Variants in CFAP70 observed in about 807,000 individuals in gnomAD.
CFAP70 encodes the protein cilia and flagella associated protein 70, also known as cilia- and flagella-associated protein 70.
Under a neutral mutation model 137.6 loss-of-function variants are expected in CFAP70, and 81 were observed. That is an observed-to-expected ratio of 0.59 (90% CI 0.49 to 0.71). CFAP70 has a LOEUF of 0.71. Among genes scored for constraint, CFAP70 ranks in the 30% least tolerant of loss-of-function variants. The pLI is 0.00. For synonymous variants in CFAP70, 382 were observed against 423.6 expected (o/e 0.90, Z 1.20); for missense variants, 976 against 1,226.7 (o/e 0.80, Z 3.05).
chr10:73,323,049 T>C, exon 9 of CFAP70: 1 of 1,613,770 alleles, frequency 6.2e-7, no homozygotes, highest in South Asian at 1.1e-5. Flanking sequence ...AATGGGACCA[T>C]ATTAACATAA....
intron 26 of CFAP70, among the ~76,000 whole-genome samples, 172 bp downstream of exon 27, chr10:73,256,197 T>C (rs2044473593): frequency 2.6e-5 from 4 of 152,176 alleles, no homozygotes; most frequent in Admixed American, 2.6e-4. Flanking sequence ...CCTATGGTAA[T>C]ATGTAGGTTG....
chr10:73,345,253 G>A lies in CFAP70; in HGVS notation c.350-139C>T. On this transcript the variant is annotated intron_variant, in intron 4 of 26. Coordinates refer to ENST00000310715, the Ensembl canonical transcript of CFAP70. ...ACTTCAAGACTGCACTGCTGTAAAA[G>A]AATAAAATTATGCAGCATTTTGAAA... 7.5e-6 allele frequency: 12 copies of A among 1,604,364 alleles called. No homozygotes were observed. Among genetic ancestry groups the A allele is most frequent in the Non-Finnish European group, 9.4e-6 (11 of 1,174,932 alleles).
At position 73,265,182 on chromosome 10, in the gene CFAP70, G is replaced by A. The variant is rs375746021; in HGVS notation, c.3027+4432C>T. ...CTACTAAAAATACAAAAAATTAGCC[G>A]GGCGTGGTGGCCGGCGCCTGTAGTT... On this transcript the variant is annotated intron_variant, in intron 25 of 26. Transcript: ENST00000310715. 2.6e-5 allele frequency among the ~76,000 whole-genome samples: 4 copies of A among 152,156 alleles called. No homozygotes were observed. The East Asian group carries it at 5.8e-4, about 22-fold the overall frequency.
intron 12 of CFAP70, among the ~76,000 whole-genome samples, chr10:73,305,592 A>C (rs1036070821): frequency 6.6e-6 from 1 of 152,202 alleles, no homozygotes; most frequent in African/African-American, 2.4e-5. Flanking sequence ...ATTGGCAGAA[A>C]AGATTTTTTG....
In CFAP70 at chr10:73,335,346, T is replaced by C. The variant is rs1298936250; in HGVS notation, c.677+84A>G. Reference sequence around the variant, plus strand: ...CAATCTAAAATCACCTTAACTCAAATATAAATAAAATTAACAAAAGTAACA... The same window carrying C: ...CAATCTAAAATCACCTTAACTCAAACATAAATAAAATTAACAAAAGTAACA... On this transcript the variant is annotated intron_variant, in intron 7 of 26. Coordinates refer to ENST00000310715, the Ensembl canonical transcript of CFAP70. 8 of 832,676 alleles carry C rather than the reference T, an allele frequency of 9.6e-6. No individual in the cohort carries two copies. In the Admixed American group the frequency reaches 2.0e-4, roughly 20 times the overall value. 51.6% of individuals were successfully genotyped at this position (832,676 alleles called of 1,614,324 possible). A position where few individuals can be genotyped will look rare whatever the true frequency, so the allele number is the denominator to read the frequency against.
At chr10:73,323,205 A>G in intron 8 of CFAP70, 108 bp from the exon 10 acceptor site, 5 of 1,049,990 alleles carry the variant, frequency 4.8e-6, no homozygotes, top group Non-Finnish European at 6.5e-6. Context: ...TAACTCAACT[A>G]CTTAGCCAGT....
At chr10:73,339,989 T>C (rs571575783) in intron 6 of CFAP70, among the ~76,000 whole-genome samples, 7 of 152,352 alleles carry the variant, frequency 4.6e-5, no homozygotes, top group African/African-American at 1.4e-4. Flanking sequence ...GAGTTCTTGT[T>C]TCGCATCCAG....
At chr10:73,267,841 T>C (rs552739745) in intron 25 of CFAP70, among the ~76,000 whole-genome samples, 49 of 152,366 alleles carry the variant, frequency 3.2e-4, no homozygotes, top group Admixed American at 1.2e-3. Context: ...TTTGTGTTTA[T>C]AGGTTCCTAT....
upstream of CFAP70, among the ~76,000 whole-genome samples, chr10:73,362,493 C>G (rs1406404649): frequency 6.6e-6 from 1 of 151,824 alleles, no homozygotes; most frequent in Non-Finnish European, 1.5e-5. Flanking sequence ...AGATCTTTTG[C>G]CTACTTGGTT....
At chr10:73,351,067 GTGTGTATATATATATA>G (rs1291521132) in intron 3 of CFAP70, among the ~76,000 whole-genome samples, 24 of 64,062 alleles carry the variant, frequency 3.7e-4, no homozygotes, top group African/African-American at 1.8e-3. Context: ...GTGTGTGTGT[GTGTGTATATATATATA>G]TATATATATA....
intron 16 of CFAP70, among the ~76,000 whole-genome samples, chr10:73,292,481 T>C (rs1213986472): frequency 6.6e-6 from 1 of 152,206 alleles, no homozygotes. Flanking sequence ...GTTCATGGAT[T>C]GGATGACTTA....
At chr10:73,334,301 G>T (rs751971907) in intron 7 of CFAP70, among the ~76,000 whole-genome samples, 24 of 152,170 alleles carry the variant, frequency 1.6e-4, no homozygotes, top group Non-Finnish European at 2.8e-4. Context: ...TGCATCTAGA[G>T]GTTGGCTAAT....
Position 73,280,285 on chromosome 10 carries a change from A to G in CFAP70, c.2240-1948T>C, listed in dbSNP as rs144495648. Reference sequence around the variant, plus strand: ...GGAGTTTGAGACCAGCCTGGGCAACATAACAAAACCTTGTCTCTTAAAAAA... The same window carrying G: ...GGAGTTTGAGACCAGCCTGGGCAACGTAACAAAACCTTGTCTCTTAAAAAA... On this transcript the variant is annotated intron_variant, in intron 19 of 26. Coordinates refer to ENST00000310715, the Ensembl canonical transcript of CFAP70. Among the ~76,000 whole-genome samples, 72 of 152,318 alleles carry G rather than the reference A, an allele frequency of 4.7e-4. No homozygotes were observed. In the East Asian group the frequency reaches 0.014, roughly 29 times the overall value.
At chr10:73,289,349 G>A (rs575872886) in intron 19 of CFAP70, among the ~76,000 whole-genome samples, 23 of 151,852 alleles carry the variant, frequency 1.5e-4, no homozygotes, top group Admixed American at 5.9e-4. Context: ...GCAGTGGTGC[G>A]GTTTTGGCTC....
At chr10:73,269,230 C>T (rs904743992) in intron 25 of CFAP70, among the ~76,000 whole-genome samples, 1 of 152,058 alleles carries the variant, frequency 6.6e-6, no homozygotes, top group African/African-American at 2.4e-5. Context: ...ATCATGAACT[C>T]CCACATTACC....
intron 1 of CFAP70, among the ~76,000 whole-genome samples, chr10:73,357,734 C>T (rs1168188977): frequency 1.3e-5 from 2 of 152,294 alleles, no homozygotes; most frequent in Non-Finnish European, 1.5e-5. Context: ...TGCATTTAGT[C>T]GCTTTTGAAC....
intron 12 of CFAP70, among the ~76,000 whole-genome samples, chr10:73,309,904 C>A (rs181249986): frequency 1.8e-4 from 28 of 152,182 alleles, no homozygotes; most frequent in African/African-American, 5.5e-4. Context: ...CAATCCCCCC[C>A]ACCTTGGCCT....
At chr10:73,268,790 T>C (rs531178720) in intron 25 of CFAP70, among the ~76,000 whole-genome samples, 1 of 151,856 alleles carries the variant, frequency 6.6e-6, no homozygotes, top group East Asian at 1.9e-4. Context: ...GCCTCCCAGG[T>C]TCAAGTGATC....
intron 15 of CFAP70, chr10:73,296,085 T>C (rs1471725265): frequency 6.6e-6 from 1 of 152,236 alleles, no homozygotes; most frequent in Non-Finnish European, 1.5e-5. Context: ...CTCCTTATTA[T>C]GCAATAATCA....
Sources: allele counts gnomAD v4.1 joint callset (sites outside exome capture counted in the v4.1 genomes callset), GRCh38; gene constraint gnomAD v4.1.1; transcripts MANE v1.5; gene names NCBI Gene and HGNC (gene_info 2026-07-23, HGNC 2026-07-21).